The following RCC2 variants were observed in gnomAD, a reference collection of about 807,000 sequenced individuals.
The protein encoded by RCC2 is regulator of chromosome condensation 2.
A neutral mutation model predicts 64.1 loss-of-function variants in RCC2; 19 were observed. That is an observed-to-expected ratio of 0.30 (90% CI 0.21 to 0.44). The LOEUF (loss-of-function observed/expected upper bound fraction) is 0.44, where lower values mean the gene tolerates loss of function less well. Among genes scored for constraint, RCC2 ranks in the 20% least tolerant of loss-of-function variants. The probability of loss-of-function intolerance (pLI) is 1.00; values close to 1 mark genes in which losing one functional copy is unlikely to be tolerated. For missense variants in RCC2, 508 were observed against 710.4 expected, an observed-to-expected ratio of 0.72 and a Z score of 3.24; for synonymous variants, 325 against 279.6, an observed-to-expected ratio of 1.16 and a Z score of -1.62.
intron 9 of RCC2, 117 bp downstream of exon 9, chr1:17,413,420 A>G: frequency 8.4e-7 from 1 of 1,187,462 alleles, no homozygotes; most frequent in Non-Finnish European, 1.2e-6. Context: ...TCCTGTCTCA[A>G]AAAAATAAAG....
chr1:17,423,530 G>C (rs765232959), intron 4 of RCC2, among the ~76,000 whole-genome samples: 10 of 152,210 alleles, frequency 6.6e-5, no homozygotes, highest in Admixed American at 1.3e-4. Context: ...AGGCAGGCCT[G>C]AGGGCCAACC....
chr1:17,438,322 CG>C lies in RCC2; in HGVS notation c.192del (p.Gly66AlafsTer42). 2 of 1,240,426 alleles carry C rather than the reference CG, an allele frequency of 1.6e-6. No individual in the cohort carries two copies. Among genetic ancestry groups the C allele is most frequent in the South Asian group, 2.6e-5 (1 of 38,422 alleles). The allele number at this position is 1,240,426 out of a possible 1,614,324, so 76.8% of individuals were successfully genotyped here. A position where few individuals can be genotyped will look rare whatever the true frequency, so the allele number is the denominator to read the frequency against. Reference protein sequence around the residue: ...EDGLELDGAPGGGKRAARPAT... With the variant: ...EDGLELDGAPXGGKRAARPAT... ...GCCGGCCGCGCCGCGCGCTTGCCCC[CG>C]CCGGGGGCCCCGTCGAGCTCCAGGC... is the stretch of plus-strand genomic sequence containing the variant. On this transcript the variant is annotated frameshift_variant, in exon 2 of 13. Coordinates refer to ENST00000375436, the MANE Select transcript of RCC2 (RefSeq NM_018715.4). LOFTEE classifies it high-confidence loss of function.
chr1:17,425,917 C>T (rs186130752), intron 3 of RCC2, among the ~76,000 whole-genome samples: 5 of 152,310 alleles, frequency 3.3e-5, no homozygotes, highest in African/African-American at 9.6e-5. Context: ...ACAGGCCTGG[C>T]GTCACCTGCC....
intron 2 of RCC2, 111 bp from the exon 3 acceptor site, chr1:17,429,310 T>A (rs546055219): frequency 4.9e-6 from 4 of 812,762 alleles, no homozygotes; most frequent in Non-Finnish European, 8.3e-6. Context: ...TTAGCCCTTA[T>A]GTCACCTGTG....
intron 12 of RCC2, 78 bp downstream of exon 12, chr1:17,409,896 C>T (rs901141103): frequency 7.0e-5 from 87 of 1,245,180 alleles, no homozygotes; most frequent in Middle Eastern, 3.8e-4. Context: ...AAACAGACTG[C>T]GATGATCAAA....
chr1:17,424,068 G>A (rs886663478), intron 4 of RCC2, among the ~76,000 whole-genome samples: 1 of 152,234 alleles, frequency 6.6e-6, no homozygotes, highest in Non-Finnish European at 1.5e-5. Context: ...TGAATACAGA[G>A]CAACAAGTGC....
chr1:17,409,054 G>A lies in RCC2; in HGVS notation c.*36C>T, dbSNP rs184348603. 34 of 1,422,922 alleles carry A rather than the reference G, an allele frequency of 2.4e-5. No homozygotes were observed. Among genetic ancestry groups the A allele is most frequent in the Non-Finnish European group, 3.0e-5 (30 of 1,005,788 alleles). The allele number at this position is 1,422,922 out of a possible 1,614,324, so 88.1% of individuals were successfully genotyped here. ...AGTGCACATGGAAATGACAGCTGCC[G>A]CGAGAGGTGTGGAGTCGGAGGAGTC... is the stretch of plus-strand genomic sequence containing the variant. On this transcript the variant is annotated 3_prime_UTR_variant, in exon 13 of 13. Coordinates refer to ENST00000375436, the MANE Select transcript of RCC2 (RefSeq NM_018715.4).
chr1:17,422,730 C>G lies in RCC2; in HGVS notation c.630G>C (p.Gly210=), dbSNP rs150288501. The G allele has an allele frequency of 6.2e-7, 1 of 1,614,060 alleles. No individual in the cohort carries two copies. The highest frequency in any genetic ancestry group is 8.5e-7 in the Non-Finnish European group (1 of 1,180,048). The stretch of plus-strand genomic sequence containing the variant: ...CCGTCAAGGCCAAGGTGTGGTTCCG[C>G]CCACATGCTGCAGACACAATCACTT... ...SHEVIVSAAC[G]RNHTLALTET... Residue 210 remains glycine, a synonymous_variant, in exon 5 of 13, where the codon GGG becomes GGC. Transcript: ENST00000375436.
In RCC2 at chr1:17,429,159, A is replaced by G; in HGVS notation, c.326T>C (p.Phe109Ser). 1.9e-6 allele frequency: 3 copies of G among 1,614,216 alleles called. No homozygotes were observed. Among genetic ancestry groups the G allele is most frequent in the Non-Finnish European group, 8.5e-7 (1 of 1,180,042 alleles). Residue 109 changes from phenylalanine (F) to serine (S), a missense_variant, in exon 3 of 13, where the codon TTT becomes TCT. Coordinates refer to ENST00000375436, the MANE Select transcript of RCC2 (RefSeq NM_018715.4). The stretch of plus-strand genomic sequence containing the variant: ...AATCAAGTCCCAGTTGGTTGCCCCA[A>G]AAATCAAAAGCTGCCCTTTGCACTT... ...GSKCKGQLLI[F>S]GATNWDLIGR... is the part of the protein sequence containing the mutation.
Position 17,425,588 on chromosome 1 carries a change from G to A in RCC2, c.476C>T (p.Ala159Val). The A allele has an allele frequency of 6.2e-7, 1 of 1,614,058 alleles. No homozygotes were observed. Among genetic ancestry groups the A allele is most frequent in the South Asian group, 1.1e-5 (1 of 91,068 alleles). The change falls in exon 4 of 13, where the codon GCT becomes GTT. Residue 159 changes from alanine to valine, a missense_variant. Ala to Val is a moderately conservative substitution (Grantham distance 64). Coordinates refer to ENST00000375436, the MANE Select transcript of RCC2 (RefSeq NM_018715.4). ...CGTGGTGATGAGGAGGCTGTGTGCA[G>A]CACACGAGCCCGAGACCACTGTCCG... ...RVRTVVSGSCAAHSLLITTEG... is the reference protein window; with the variant it reads ...RVRTVVSGSCVAHSLLITTEG...
chr1:17,424,310 T>C (rs1380992371), intron 4 of RCC2, among the ~76,000 whole-genome samples: 2 of 152,214 alleles, frequency 1.3e-5, no homozygotes, highest in Admixed American at 1.3e-4. Flanking sequence ...ACATTGTCCC[T>C]GCCCACAGGG....
At chr1:17,416,791 G>C in intron 7 of RCC2, 145 bp from the exon 8 acceptor site, 1 of 726,002 alleles carries the variant, frequency 1.4e-6, no homozygotes, top group East Asian at 2.8e-5. Context: ...GGTCAACAAA[G>C]GCAGCATTTC....
chr1:17,413,836 T>C, intron 8 of RCC2, 119 bp from the exon 9 acceptor site: 2 of 925,606 alleles, frequency 2.2e-6, no homozygotes, highest in Non-Finnish European at 3.3e-6. Flanking sequence ...ACAGCAACAT[T>C]CAAGATCCCC....
chr1:17,423,374 A>C (rs904384438), intron 4 of RCC2, among the ~76,000 whole-genome samples: 3 of 151,842 alleles, frequency 2.0e-5, no homozygotes, highest in African/African-American at 7.3e-5. Context: ...TGCCAATCCC[A>C]CCCCTAGGGA....
intron 7 of RCC2, 44 bp downstream of exon 7, chr1:17,420,670 T>A (rs1363966198): frequency 1.6e-6 from 2 of 1,261,466 alleles, no homozygotes; most frequent in Non-Finnish European, 2.2e-6. Context: ...GTTCTGAATA[T>A]ATACAGTTAG....
Position 17,409,183 on chromosome 1 carries a change from G to T in RCC2, c.1476C>A (p.Gly492=). 6.2e-7 allele frequency: 1 copy of T among 1,612,822 alleles called. No individual in the cohort carries two copies. Among genetic ancestry groups the T allele is most frequent in the Non-Finnish European group, 8.5e-7 (1 of 1,178,766 alleles). ...DGIFSEQVAM[G]YSHSLVIARD... Reference sequence around the variant, plus strand: ...TTGCTATCACCAAGGAGTGTGAGTAGCCCATGGCGACCTGGGGGGACAAAT... The same window carrying T: ...TTGCTATCACCAAGGAGTGTGAGTATCCCATGGCGACCTGGGGGGACAAAT... Residue 492 remains glycine (G), a synonymous_variant, in exon 13 of 13, where the codon GGC becomes GGA. Coordinates refer to ENST00000375436, the MANE Select transcript of RCC2 (RefSeq NM_018715.4).
intron 2 of RCC2, among the ~76,000 whole-genome samples, chr1:17,436,349 C>G (rs2075735425): frequency 6.6e-6 from 1 of 152,100 alleles, no homozygotes; most frequent in Non-Finnish European, 1.5e-5. Context: ...ACAAAAAGTA[C>G]AAAAATTATT....
At chr1:17,427,597 G>T (rs2075631215) in intron 3 of RCC2, among the ~76,000 whole-genome samples, 1 of 152,176 alleles carries the variant, frequency 6.6e-6, no homozygotes, top group Non-Finnish European at 1.5e-5. Context: ...TGATTGACGA[G>T]TATCATCACG....
chr1:17,432,811 G>A (rs776747257), intron 2 of RCC2, among the ~76,000 whole-genome samples: 2 of 152,120 alleles, frequency 1.3e-5, no homozygotes, highest in African/African-American at 2.4e-5. Context: ...TGTATTTGTG[G>A]GCCGGGCATG....
Sources: allele counts gnomAD v4.1 joint callset (sites outside exome capture counted in the v4.1 genomes callset), GRCh38; gene constraint gnomAD v4.1.1; transcripts MANE v1.5; gene names NCBI Gene and HGNC (gene_info 2026-07-23, HGNC 2026-07-21).